Variants in CFAP418 observed in about 807,000 individuals in gnomAD.
CFAP418 encodes the protein cilia- and flagella-associated protein 418.
A neutral mutation model predicts 24.7 loss-of-function variants in CFAP418; 27 were observed. That is an observed-to-expected ratio of 1.09 (90% CI 0.81 to 1.51). The LOEUF (loss-of-function observed/expected upper bound fraction) is 1.51. CFAP418 is among the 40% of genes most tolerant of loss of function. The pLI is 0.00. For missense variants in CFAP418, 257 were observed against 255.2 expected (o/e 1.01, Z -0.05); for synonymous variants, 74 against 87.3 (o/e 0.85, Z 0.85).
intron 1 of CFAP418, 139 bp downstream of exon 1, chr8:95,268,896 G>T (rs1185582421): frequency 5.6e-6 from 5 of 892,676 alleles, no homozygotes; most frequent in Non-Finnish European, 8.6e-6. Context: ...GGAGGGTAGG[G>T]CGCTGAGGGT....
At chr8:95,265,956 T>C (rs1025488061) in intron 1 of CFAP418, among the ~76,000 whole-genome samples, 3 of 152,210 alleles carry the variant, frequency 2.0e-5, no homozygotes, top group Admixed American at 6.5e-5. Flanking sequence ...TTTAAAGATA[T>C]AGTTTCTGCT....
chr8:95,268,057 G>C (rs1382480423), intron 1 of CFAP418, among the ~76,000 whole-genome samples: 2 of 152,126 alleles, frequency 1.3e-5, no homozygotes, highest in Non-Finnish European at 2.9e-5. Context: ...TAACTAGGGG[G>C]CCATGGAGAG....
At chr8:95,268,751 C>CTGGCG in intron 1 of CFAP418, 1 of 113,398 alleles carries the variant, frequency 8.8e-6, no homozygotes. Flanking sequence ...GCGGGCTCTG[C>CTGGCG]GGGCGGGGCG....
intron 4 of CFAP418, among the ~76,000 whole-genome samples, chr8:95,257,803 TTTACTA>T (rs1177244453): frequency 3.3e-5 from 5 of 152,178 alleles, no homozygotes; most frequent in Non-Finnish European, 7.3e-5. Context: ...GGTTCATACT[TTTACTA>T]TGCTATACTT....
intron 2 of CFAP418, among the ~76,000 whole-genome samples, chr8:95,263,403 CTACAAATAAA>C (rs2132164079): frequency 6.6e-6 from 1 of 152,242 alleles, no homozygotes; most frequent in Admixed American, 6.5e-5. Flanking sequence ...TCCTTAGATA[CTACAAATAAA>C]TACAAGTGAC....
At chr8:95,252,988 A>G (rs1333402249) in intron 4 of CFAP418, among the ~76,000 whole-genome samples, 2 of 152,194 alleles carry the variant, frequency 1.3e-5, no homozygotes, top group Non-Finnish European at 2.9e-5. Flanking sequence ...AAAAATTCCT[A>G]TATAGGTGGC....
chr8:95,258,831 G>A (rs1206753166), intron 4 of CFAP418, among the ~76,000 whole-genome samples: 1 of 152,164 alleles, frequency 6.6e-6, no homozygotes, highest in Non-Finnish European at 1.5e-5. Flanking sequence ...ACTGCCTACT[G>A]TATTCAGTGC....
At chr8:95,253,911 G>A (rs930999867) in intron 4 of CFAP418, among the ~76,000 whole-genome samples, 1 of 152,092 alleles carries the variant, frequency 6.6e-6, no homozygotes, top group Non-Finnish European at 1.5e-5. Flanking sequence ...TTGCTGTTGT[G>A]GGAACTATAA....
At chr8:95,264,291 C>A (rs150984805) in intron 1 of CFAP418, among the ~76,000 whole-genome samples, 1 of 152,266 alleles carries the variant, frequency 6.6e-6, no homozygotes, top group Non-Finnish European at 1.5e-5. Context: ...TACTCAACTA[C>A]CTCTACCTTC....
intron 3 of CFAP418, 119 bp from the exon 4 acceptor site, chr8:95,260,024 T>C (rs1164767739): frequency 5.7e-6 from 4 of 702,208 alleles, no homozygotes; most frequent in Non-Finnish European, 7.1e-6. Flanking sequence ...AATCAAATTG[T>C]CTATTTTCCC....
At chr8:95,268,490 C>T (rs1812047177) in intron 1 of CFAP418, among the ~76,000 whole-genome samples, 1 of 151,896 alleles carries the variant, frequency 6.6e-6, no homozygotes. Flanking sequence ...ACAAACAAAA[C>T]AACAAAACTG....
chr8:95,263,925 A>G, intron 1 of CFAP418, 151 bp from the exon 2 acceptor site: 1 of 565,042 alleles, frequency 1.8e-6, no homozygotes, highest in Non-Finnish European at 3.2e-6. Flanking sequence ...ATATAGTCTA[A>G]GTTTGTTGAG....
intron 4 of CFAP418, among the ~76,000 whole-genome samples, chr8:95,253,378 A>G (rs555789817): frequency 6.6e-6 from 1 of 152,162 alleles, no homozygotes; most frequent in African/African-American, 2.4e-5. Flanking sequence ...TTGCATCAGG[A>G]GTGGTTGAAG....
chr8:95,252,768 C>T (rs917251305), intron 4 of CFAP418, among the ~76,000 whole-genome samples: 25 of 152,172 alleles, frequency 1.6e-4, no homozygotes, highest in African/African-American at 5.8e-4. Context: ...CACAACTTGG[C>T]ATAATGCATT....
Position 95,247,559 on chromosome 8 carries a change from G to A in CFAP418, c.*58C>T. ...CTAGGGACTATTGTCTAAACATGAT[G>A]ATGATTCATGGAGACCACTCTCATG... On this transcript the variant is annotated 3_prime_UTR_variant, in exon 6 of 6. Transcript: ENST00000286688. The A allele has an allele frequency of 1.9e-6, 3 of 1,592,494 alleles. No homozygotes were observed. The highest frequency in any genetic ancestry group is 2.6e-6 in the Non-Finnish European group (3 of 1,162,344).
chr8:95,261,624 T>TC (rs1811893637), intron 2 of CFAP418, among the ~76,000 whole-genome samples: 1 of 152,178 alleles, frequency 6.6e-6, no homozygotes, highest in Admixed American at 6.6e-5. Context: ...TGTTTTTTTT[T>TC]CCCAATAAAT....
intron 5 of CFAP418, among the ~76,000 whole-genome samples, chr8:95,251,371 T>C (rs1035744216): frequency 1.3e-5 from 2 of 152,266 alleles, no homozygotes; most frequent in East Asian, 3.9e-4. Context: ...GGTAAAGAGG[T>C]TGTACAAAGT....
intron 4 of CFAP418, among the ~76,000 whole-genome samples, chr8:95,253,559 T>C (rs924097093): frequency 7.2e-5 from 11 of 152,262 alleles, no homozygotes; most frequent in Non-Finnish European, 1.6e-4. Context: ...CAAATACTTT[T>C]GGCCTGAAAA....
intron 5 of CFAP418, among the ~76,000 whole-genome samples, 175 bp downstream of exon 5, chr8:95,252,012 AT>A (rs1811716558): frequency 7.2e-6 from 1 of 138,404 alleles, no homozygotes; most frequent in African/African-American, 2.5e-5. Flanking sequence ...TGGAACCACC[AT>A]GTATATATAT....
Sources: allele counts gnomAD v4.1 joint callset (sites outside exome capture counted in the v4.1 genomes callset), GRCh38; gene constraint gnomAD v4.1.1; transcripts MANE v1.5; gene names NCBI Gene and HGNC (gene_info 2026-07-23, HGNC 2026-07-21).